The following CDH13 variants were observed in gnomAD, a reference collection of about 807,000 sequenced individuals.
CDH13 encodes the protein cadherin-13.
CDH13 carries 24 observed loss-of-function variants against 63.8 expected under a neutral mutation model. That is an observed-to-expected ratio of 0.38 (90% CI 0.27 to 0.53). The LOEUF (loss-of-function observed/expected upper bound fraction) is 0.53. CDH13 is among the 20% of genes least tolerant of loss of function. CDH13 has a pLI of 0.85. For missense variants in CDH13, 1,049 were observed against 903.1 expected, an observed-to-expected ratio of 1.16 and a Z score of -2.07; for synonymous variants, 503 against 355.3, an observed-to-expected ratio of 1.42 and a Z score of -4.67.
intron 6 of CDH13, among the ~76,000 whole-genome samples, chr16:83,379,832 G>A (rs907014097): frequency 9.3e-5 from 14 of 150,826 alleles, no homozygotes; most frequent in Admixed American, 2.7e-4. Flanking sequence ...AGGAATGAAC[G>A]AAATATTATA....
rs746569029 is a variant in CDH13 at position 83,431,679 on chromosome 16, C to A, written c.782-54798C>A. On this transcript the variant is annotated intron_variant, in intron 6 of 13. Transcript: ENST00000567109. ...GTATCTCACATGGTGAGAGCAGGAG[C>A]AAAAGAGAGCAAGAGGGGAAGTGCC... Among the ~76,000 whole-genome samples, 3 of 152,026 alleles carry A rather than the reference C, an allele frequency of 2.0e-5. No homozygotes were observed. In the East Asian group the frequency reaches 5.8e-4, roughly 29 times the overall value.
intron 1 of CDH13, among the ~76,000 whole-genome samples, chr16:82,684,016 G>T (rs185190358): frequency 6.6e-6 from 1 of 152,076 alleles, no homozygotes; most frequent in Non-Finnish European, 1.5e-5. Context: ...GTGCCTTTTC[G>T]CCTGTCTACC....
Position 83,133,243 on chromosome 16 carries a change from T to C in CDH13, c.483+7742T>C, listed in dbSNP as rs368750683. ...AAAATATTTTTTACTGAAAACGCAA[T>C]GTCCACACTGAGATGTTTTGTAAGC... On this transcript the variant is annotated intron_variant, in intron 4 of 13. Coordinates refer to ENST00000567109, the MANE Select transcript of CDH13 (RefSeq NM_001257.5). 5.9e-5 allele frequency among the ~76,000 whole-genome samples: 9 copies of C among 152,352 alleles called. No individual in the cohort carries two copies. In the South Asian group the frequency reaches 1.4e-3, roughly 25 times the overall value.
intron 3 of CDH13, among the ~76,000 whole-genome samples, chr16:83,107,467 C>T (rs924237987): frequency 6.6e-6 from 1 of 152,200 alleles, no homozygotes; most frequent in African/African-American, 2.4e-5. Context: ...ACACTATCTT[C>T]CAGGTAGACC....
At chr16:83,608,651 A>C (rs1315348740) in intron 8 of CDH13, among the ~76,000 whole-genome samples, 1 of 147,174 alleles carries the variant, frequency 6.8e-6, no homozygotes, top group African/African-American at 2.6e-5. Context: ...ATGTCTGGCT[A>C]ATTTTTGTAT....
intron 1 of CDH13, among the ~76,000 whole-genome samples, chr16:82,688,010 C>A (rs1041821697): frequency 6.6e-6 from 1 of 152,128 alleles, no homozygotes; most frequent in African/African-American, 2.4e-5. Context: ...CAGATGTAGG[C>A]CCTCAGTGAT....
chr16:83,035,145 C>A (rs116942064), intron 3 of CDH13, among the ~76,000 whole-genome samples: 2,279 of 152,198 alleles, frequency 0.015, 29 homozygotes, highest in South Asian at 0.026. Flanking sequence ...GCAAAAGAAT[C>A]CCTCTGAAGA....
At chr16:82,849,500 C>CA (rs1172438631) in intron 1 of CDH13, among the ~76,000 whole-genome samples, 3 of 151,732 alleles carry the variant, frequency 2.0e-5, no homozygotes, top group Admixed American at 2.0e-4. Flanking sequence ...GACTCCGTCT[C>CA]AAAAAAATAA....
intron 5 of CDH13, among the ~76,000 whole-genome samples, chr16:83,260,225 A>C (rs1232300962): frequency 6.6e-6 from 1 of 151,948 alleles, no homozygotes; most frequent in Non-Finnish European, 1.5e-5. Flanking sequence ...CTTGTTACTT[A>C]AAATACTGGT....
chr16:83,554,159 T>C (rs1475881895), intron 7 of CDH13, among the ~76,000 whole-genome samples: 1 of 151,772 alleles, frequency 6.6e-6, no homozygotes, highest in African/African-American at 2.4e-5. Context: ...TAAACCAGGG[T>C]ATAGAAATAG....
At chr16:83,084,301 G>C (rs1262499242) in intron 3 of CDH13, among the ~76,000 whole-genome samples, 1 of 152,158 alleles carries the variant, frequency 6.6e-6, no homozygotes, top group Non-Finnish European at 1.5e-5. Flanking sequence ...AGTTTGTTTT[G>C]ACGTGGAAGG....
At chr16:83,576,729 T>G (rs1905110506) in intron 7 of CDH13, among the ~76,000 whole-genome samples, 1 of 152,236 alleles carries the variant, frequency 6.6e-6, no homozygotes, top group Non-Finnish European at 1.5e-5. Context: ...TGCCATCTCA[T>G]AGTTTTGACT....
chr16:83,297,834 C>T (rs1242277406), intron 5 of CDH13, among the ~76,000 whole-genome samples: 1 of 151,908 alleles, frequency 6.6e-6, no homozygotes, highest in Non-Finnish European at 1.5e-5. Flanking sequence ...CTTCTAAATG[C>T]CCGAAACTTT....
chr16:83,209,205 G>C (rs1417771979), intron 4 of CDH13, among the ~76,000 whole-genome samples: 3 of 152,292 alleles, frequency 2.0e-5, no homozygotes, highest in African/African-American at 7.2e-5. Context: ...AGCATTTTCA[G>C]TTAGCACCCT....
chr16:82,700,958 C>G (rs1365323402), intron 1 of CDH13, among the ~76,000 whole-genome samples: 1 of 19,194 alleles, frequency 5.2e-5, no homozygotes, highest in African/African-American at 1.1e-4. Flanking sequence ...GGAACCCGCC[C>G]CCCCCCCCCC....
At chr16:82,636,036 C>A (rs1191092688) in intron 1 of CDH13, among the ~76,000 whole-genome samples, 1 of 152,098 alleles carries the variant, frequency 6.6e-6, no homozygotes, top group South Asian at 2.1e-4. Context: ...GACCTCCTGT[C>A]TTTATAAATT....
At chr16:82,888,241 C>T (rs970789472) in intron 2 of CDH13, among the ~76,000 whole-genome samples, 1 of 152,154 alleles carries the variant, frequency 6.6e-6, no homozygotes, top group Non-Finnish European at 1.5e-5. Context: ...GCTCCCATTG[C>T]CTCATTGCAG....
At chr16:82,815,937 G>A (rs2037684699) in intron 1 of CDH13, among the ~76,000 whole-genome samples, 1 of 152,150 alleles carries the variant, frequency 6.6e-6, no homozygotes, top group African/African-American at 2.4e-5. Context: ...CACGTGTTTA[G>A]GACTGATAAA....
intron 1 of CDH13, among the ~76,000 whole-genome samples, chr16:82,675,230 G>A (rs79846650): frequency 0.023 from 3,560 of 152,196 alleles, 142 homozygotes; most frequent in African/African-American, 0.081. Flanking sequence ...CTGACATTAG[G>A]CATTGTGGCA....
Sources: allele counts gnomAD v4.1 joint callset (sites outside exome capture counted in the v4.1 genomes callset), GRCh38; gene constraint gnomAD v4.1.1; transcripts MANE v1.5; gene names NCBI Gene and HGNC (gene_info 2026-07-23, HGNC 2026-07-21).